Variants in UHRF1 observed in about 807,000 individuals in gnomAD.
UHRF1 encodes ubiquitin like with PHD and ring finger domains 1, also known as E3 ubiquitin-protein ligase UHRF1.
Under a neutral mutation model 96.5 loss-of-function variants are expected in UHRF1, and 9 were observed. That is an observed-to-expected ratio of 0.09 (90% confidence interval 0.06 to 0.16). The LOEUF (loss-of-function observed/expected upper bound fraction) is 0.16. Among genes scored for constraint, UHRF1 ranks in the 10% least tolerant of loss-of-function variants. The pLI is 1.00. For synonymous variants in UHRF1, 455 were observed against 469.9 expected (o/e 0.97, Z 0.41); for missense variants, 626 against 1,131.1 (o/e 0.55, Z 6.40).
At chr19:4,909,279 G>A (rs2032149173), upstream of UHRF1, 1 of 530,164 alleles carries the variant, frequency 1.9e-6, no homozygotes, top group East Asian at 3.5e-5. Context: ...GCCCTGCCAC[G>A]CAGCCCCTTT....
chr19:4,937,619 C>G (rs191226908), intron 5 of UHRF1, among the ~76,000 whole-genome samples: 278 of 152,230 alleles, frequency 1.8e-3, no homozygotes, highest in African/African-American at 6.4e-3. Flanking sequence ...CCGCCTTGGC[C>G]TCCCAAAGTG....
rs193158048 is a variant in UHRF1 at position 4,953,172 on chromosome 19, A to G, written c.1819-1178A>G. Reference sequence around the variant, plus strand: ...CTTAGTCTCCTCTTGTTCGTAGTGAAGCTTTGCGATTAGACAGGATTAGCC... The same window carrying G: ...CTTAGTCTCCTCTTGTTCGTAGTGAGGCTTTGCGATTAGACAGGATTAGCC... On this transcript the variant is annotated intron_variant, in intron 13 of 16. Transcript: ENST00000650932. Among the ~76,000 whole-genome samples the G allele has an allele frequency of 1.1e-3, 166 of 152,228 alleles. 4 individuals carry two copies. Among genetic ancestry groups the G allele is most frequent in the Non-Finnish European group, 1.8e-4 (12 of 67,992 alleles).
chr19:4,954,481 G>A lies in UHRF1; in HGVS notation c.1950G>A (p.Lys650=), dbSNP rs755342851. The A allele has an allele frequency of 3.7e-6, 6 of 1,609,088 alleles. No homozygotes were observed. In the South Asian group the frequency reaches 5.5e-5, roughly 15 times the overall value. Residue 650 remains lysine (K), a synonymous_variant, in exon 14 of 17, where the codon AAG becomes AAA. Coordinates refer to ENST00000650932, the MANE Select transcript of UHRF1 (RefSeq NM_001048201.3). This position sits in a 1 kb window ranked among gnomAD's most constrained non-coding sequence, Gnocchi z 5.9. Reference sequence around the variant, plus strand: ...CGGGCAAGGGCAAGTGGAAGCGGAAGTCGGCAGGTGAGAATCTCGTGGGTG... The same window carrying A: ...CGGGCAAGGGCAAGTGGAAGCGGAAATCGGCAGGTGAGAATCTCGTGGGTG... ...PRTGKGKWKR[K]SAGGGPSRAG... is the part of the protein sequence containing the mutation.
rs2032246377 is a variant in UHRF1, at chr19:4,910,966, G to A, written c.81G>A (p.Glu27=). 6.2e-7 allele frequency: 1 copy of A among 1,613,380 alleles called. No homozygotes were observed. The highest frequency in any genetic ancestry group is 1.1e-5 in the South Asian group (1 of 91,004). ...DSLSRLTKVE[E]LRRKIQELFH... ...TGTCCAGGCTGACCAAGGTGGAGGA[G>A]CTGAGGCGGAAGATCCAGGAGCTGT... Residue 27 remains glutamate, a synonymous_variant, in exon 2 of 17, where the codon GAG becomes GAA. Coordinates refer to ENST00000650932, the MANE Select transcript of UHRF1 (RefSeq NM_001048201.3).
At chr19:4,952,590 G>C (rs949305412) in intron 13 of UHRF1, among the ~76,000 whole-genome samples, 8 of 150,036 alleles carry the variant, frequency 5.3e-5, no homozygotes, top group African/African-American at 2.0e-4. Context: ...ACGGGGTTTC[G>C]CCATGTTGGC....
At position 4,909,612 on chromosome 19, in the gene UHRF1, G is replaced by C. The variant is rs2032167710; in HGVS notation, c.-54G>C. The C allele has an allele frequency of 1.6e-6, 1 of 629,618 alleles. No homozygotes were observed. Among genetic ancestry groups the C allele is most frequent in the Non-Finnish European group, 2.8e-6 (1 of 354,342 alleles). 39.0% of individuals were successfully genotyped at this position (629,618 alleles called of 1,614,324 possible). A position where few individuals can be genotyped will look rare whatever the true frequency, so the allele number is the denominator to read the frequency against. On this transcript the variant is annotated 5_prime_UTR_variant, in exon 1 of 17. Transcript: ENST00000650932. Reference sequence around the variant, plus strand: ...GCGGTTTCATCGCCATCCCCAGCCGGGCCACGCGCGCAGGCAGACAAGCTG... The same window carrying C: ...GCGGTTTCATCGCCATCCCCAGCCGCGCCACGCGCGCAGGCAGACAAGCTG...
intron 10 of UHRF1, among the ~76,000 whole-genome samples, chr19:4,946,694 C>T (rs2033576166): frequency 6.6e-6 from 1 of 152,008 alleles, no homozygotes. Context: ...CCCATGTCAG[C>T]CTCCCAAGAA....
At chr19:4,957,530 G>A (rs2033890427) in intron 16 of UHRF1, among the ~76,000 whole-genome samples, 1 of 151,968 alleles carries the variant, frequency 6.6e-6, no homozygotes, top group East Asian at 1.9e-4. Context: ...GGATGGTTTC[G>A]ATCTCCTGAC....
At chr19:4,942,293 C>T (rs2033430566) in intron 7 of UHRF1, among the ~76,000 whole-genome samples, 1 of 152,100 alleles carries the variant, frequency 6.6e-6, no homozygotes. Context: ...CGGGTTCACG[C>T]CATTCTCCTG....
chr19:4,947,580 A>G (rs2033607057), intron 11 of UHRF1, among the ~76,000 whole-genome samples: 1 of 131,744 alleles, frequency 7.6e-6, no homozygotes, highest in African/African-American at 2.9e-5. Context: ...TGCTCACTGC[A>G]ACCTCTGCCT....
upstream of UHRF1, chr19:4,909,271 C>T (rs1255765656): frequency 1.9e-6 from 1 of 527,690 alleles, no homozygotes; most frequent in African/African-American, 2.0e-5. Flanking sequence ...GTGACCAGGC[C>T]CTGCCACGCA....
At chr19:4,926,628 G>A (rs144429316) in intron 2 of UHRF1, among the ~76,000 whole-genome samples, 1 of 152,128 alleles carries the variant, frequency 6.6e-6, no homozygotes, top group African/African-American at 2.4e-5. Context: ...AGCTGGGCAT[G>A]GGTGATGTGT....
chr19:4,909,369 C>A (rs922355712), upstream of UHRF1: 2 of 613,420 alleles, frequency 3.3e-6, no homozygotes. Flanking sequence ...TGGACAGAGG[C>A]GGGGGCGCCC....
chr19:4,921,741 G>A (rs2032711540), intron 2 of UHRF1, among the ~76,000 whole-genome samples: 1 of 152,152 alleles, frequency 6.6e-6, no homozygotes, highest in African/African-American at 2.4e-5. Context: ...TGGGCAACAG[G>A]GAGGGAGACC....
intron 2 of UHRF1, among the ~76,000 whole-genome samples, chr19:4,919,904 G>T (rs141013684): frequency 6.6e-6 from 1 of 151,110 alleles, no homozygotes; most frequent in Non-Finnish European, 1.5e-5. Flanking sequence ...TGCACCCTCC[G>T]CCTCCCGGGT....
Position 4,954,327 on chromosome 19 carries a change from G to A in UHRF1, c.1819-23G>A, listed in dbSNP as rs778585224. The A allele has an allele frequency of 1.4e-5, 22 of 1,608,244 alleles. No individual in the cohort carries two copies. Among genetic ancestry groups the A allele is most frequent in the Non-Finnish European group, 1.8e-5 (21 of 1,178,322 alleles). On this transcript the variant is annotated intron_variant, in intron 13 of 16. Transcript: ENST00000650932. This position sits in a 1 kb window ranked among gnomAD's most constrained non-coding sequence, Gnocchi z 5.9. ...CGTGTGGGCCCCAAGCCTGACTCAC[G>A]GCTGTCCCTCTTCCTCCTGAAGTAT...
chr19:4,906,723 A>G (rs137892125), upstream of UHRF1, among the ~76,000 whole-genome samples: 2 of 152,344 alleles, frequency 1.3e-5, no homozygotes, highest in East Asian at 3.9e-4. Flanking sequence ...ACTGCACTGC[A>G]GGCTGGGCAC....
At chr19:4,957,313 T>G (rs990223333) in intron 16 of UHRF1, among the ~76,000 whole-genome samples, 39 of 140,278 alleles carry the variant, frequency 2.8e-4, no homozygotes, top group African/African-American at 1.0e-3. Flanking sequence ...TTTTTTTTTT[T>G]TTTTTTTTTT....
chr19:4,924,996 T>A (rs2032822927), intron 2 of UHRF1, among the ~76,000 whole-genome samples: 1 of 151,886 alleles, frequency 6.6e-6, no homozygotes, highest in Non-Finnish European at 1.5e-5. Flanking sequence ...CTGGCTAATT[T>A]TTGTATTTTT....
Sources: gnomAD v4.1 joint callset for allele counts (sites outside exome capture counted in the v4.1 genomes callset) on GRCh38, gnomAD v4.1.1 for gene constraint, Gnocchi (gnomAD v3.1) non-coding constraint, MANE v1.5 for transcripts, NCBI Gene and HGNC (gene_info 2026-07-23, HGNC 2026-07-21) for gene names.